The following PLEKHG1 variants were observed in gnomAD, a reference collection of about 807,000 sequenced individuals.
PLEKHG1 encodes the protein pleckstrin homology and RhoGEF domain containing G1.
A neutral mutation model predicts 100.8 loss-of-function variants in PLEKHG1; 44 were observed. That is an observed-to-expected ratio of 0.44 (90% CI 0.34 to 0.56). The LOEUF is 0.56. PLEKHG1 is among the 20% of genes least tolerant of loss of function. PLEKHG1 has a pLI of 0.01. For synonymous variants in PLEKHG1, 640 were observed against 662.5 expected (o/e 0.97, Z 0.52); for missense variants, 1,545 against 1,720.9 (o/e 0.90, Z 1.81).
At chr6:150,760,884 A>T (rs940095319) in intron 2 of PLEKHG1, among the ~76,000 whole-genome samples, 1 of 152,024 alleles carries the variant, frequency 6.6e-6, no homozygotes, top group Non-Finnish European at 1.5e-5. Flanking sequence ...TTTTTCTGCT[A>T]CGTTATTATT....
In PLEKHG1 at chr6:150,831,300, G is replaced by A. The variant is rs1355653198; in HGVS notation, c.2189G>A (p.Ser730Asn). The change falls in exon 15 of 16, where the codon AGC becomes AAC. Residue 730 changes from serine (S) to asparagine (N), a missense_variant. Coordinates refer to ENST00000358517, the Ensembl canonical transcript of PLEKHG1. The surrounding 1 kb of genome is among the most constrained non-coding windows in gnomAD (Gnocchi z 4.1). ...TCAGGTGGAGAGGCATCCAGCCAAA[G>A]CACGCATGAACTCCAAGCGGTTGAG... 1.2e-6 allele frequency: 2 copies of A among 1,614,130 alleles called. No individual in the cohort carries two copies. The highest frequency in any genetic ancestry group is 2.2e-5 in the South Asian group (2 of 91,086).
chr6:150,840,491 C>G, exon 16 of PLEKHG1: 1 of 1,614,072 alleles, frequency 6.2e-7, no homozygotes, highest in East Asian at 2.2e-5. Flanking sequence ...TTGTGGTGGT[C>G]AATAGAAATT....
exon 16 of PLEKHG1, chr6:150,842,951 A>C (rs1777597814): frequency 6.6e-6 from 1 of 152,086 alleles, no homozygotes; most frequent in South Asian, 2.1e-4. Flanking sequence ...TGATCTCATG[A>C]TCCGTCTGCC....
At chr6:150,809,877 CAA>C in intron 10 of PLEKHG1, 143 bp downstream of exon 11, 1 of 340,210 alleles carries the variant, frequency 2.9e-6, no homozygotes, top group Non-Finnish European at 5.1e-6. Flanking sequence ...AAAATAAAAA[CAA>C]AGAGACTGGG....
intron 2 of PLEKHG1, among the ~76,000 whole-genome samples, chr6:150,753,475 T>TCGTAAGGAGGGGACCTGC (rs1432376876): frequency 6.6e-6 from 1 of 152,150 alleles, no homozygotes; most frequent in Non-Finnish European, 1.5e-5. Context: ...AGTGGGTGCC[T>TCGTAAGGAGGGGACCTGC]CGTAAGGAGG....
chr6:150,815,687 C>T (rs1317246263), intron 10 of PLEKHG1, among the ~76,000 whole-genome samples: 1 of 152,016 alleles, frequency 6.6e-6, no homozygotes, highest in Non-Finnish European at 1.5e-5. Flanking sequence ...CTCCCCCAAG[C>T]CCCACACTTT....
intron 1 of PLEKHG1, among the ~76,000 whole-genome samples, chr6:150,624,310 G>A (rs548773042): frequency 1.3e-5 from 2 of 152,084 alleles, no homozygotes; most frequent in South Asian, 4.2e-4. Flanking sequence ...TCTGCTTCTT[G>A]TCTCCAGGAT....
intron 14 of PLEKHG1, chr6:150,828,236 G>A: frequency 1.2e-6 from 2 of 1,613,808 alleles, no homozygotes; most frequent in Non-Finnish European, 1.7e-6. Context: ...AACCTGACAA[G>A]AGATGAGTTG....
At chr6:150,604,096 A>C (rs1776487230) in intron 1 of PLEKHG1, among the ~76,000 whole-genome samples, 1 of 152,232 alleles carries the variant, frequency 6.6e-6, no homozygotes, top group African/African-American at 2.4e-5. Flanking sequence ...TAGCAAGCCC[A>C]TTTATGTATA....
chr6:150,736,843 CCTT>C (rs2128619795), intron 2 of PLEKHG1, among the ~76,000 whole-genome samples: 1 of 151,832 alleles, frequency 6.6e-6, no homozygotes, highest in South Asian at 2.1e-4. Flanking sequence ...AAAAAAAAAA[CCTT>C]AATGAGTGAT....
intron 3 of PLEKHG1, among the ~76,000 whole-genome samples, chr6:150,666,825 A>G (rs1395706707): frequency 2.0e-5 from 3 of 151,596 alleles, no homozygotes; most frequent in Non-Finnish European, 2.9e-5. Flanking sequence ...CAGTGGCGCA[A>G]TCTCGGCTCA....
intron 1 of PLEKHG1, among the ~76,000 whole-genome samples, chr6:150,617,616 T>C (rs1206314017): frequency 6.6e-6 from 1 of 152,146 alleles, no homozygotes; most frequent in Non-Finnish European, 1.5e-5. Flanking sequence ...TGGGGCTAAT[T>C]TGAAGGTGTT....
At chr6:150,602,070 G>A (rs762445922) in intron 1 of PLEKHG1, among the ~76,000 whole-genome samples, 3 of 152,178 alleles carry the variant, frequency 2.0e-5, no homozygotes, top group Non-Finnish European at 4.4e-5. Context: ...CCCCCTTTGC[G>A]GATATGATTT....
chr6:150,679,160 T>A (rs1779855326), intron 3 of PLEKHG1, among the ~76,000 whole-genome samples: 1 of 152,226 alleles, frequency 6.6e-6, no homozygotes, highest in Non-Finnish European at 1.5e-5. Context: ...ACAGAAATCA[T>A]GTTTGTAGGA....
chr6:150,809,826 A>AG, intron 10 of PLEKHG1, 92 bp downstream of exon 11: 3 of 870,704 alleles, frequency 3.4e-6, no homozygotes, highest in Non-Finnish European at 5.5e-6. Context: ...CCGAGATCAC[A>AG]TCATTGAACT....
intron 5 of PLEKHG1, 25 bp from the exon 7 acceptor site, chr6:150,800,694 A>T (rs749975059): frequency 1.9e-6 from 3 of 1,606,686 alleles, no homozygotes; most frequent in Non-Finnish European, 1.7e-6. Flanking sequence ...TACAATTTAG[A>T]TAAAAACATG....
At chr6:150,834,999 G>A (rs1354478140) in intron 15 of PLEKHG1, among the ~76,000 whole-genome samples, 1 of 152,016 alleles carries the variant, frequency 6.6e-6, no homozygotes, top group Non-Finnish European at 1.5e-5. Context: ...CGAATGGACC[G>A]ATTCTCCAGA....
At position 150,666,854 on chromosome 6, in the gene PLEKHG1, G is replaced by A. The variant is rs559740904; in HGVS notation, c.-99+16068G>A. ...CGGCTCACTGCAATCTCCGCCTCCC[G>A]GGTTCACACCATTCTCCTGCCTCAG... On this transcript the variant is annotated intron_variant, in intron 3 of 3. Coordinates refer to the PLEKHG1 transcript ENST00000367326. Among the ~76,000 whole-genome samples, 550 of 151,216 alleles carry A rather than the reference G, an allele frequency of 3.6e-3. 1 individual carries two copies. Among genetic ancestry groups the A allele is most frequent in the African/African-American group, 0.011 (464 of 41,130 alleles).
chr6:150,694,584 C>T (rs1780472715), intron 3 of PLEKHG1, among the ~76,000 whole-genome samples: 1 of 151,336 alleles, frequency 6.6e-6, no homozygotes, highest in African/African-American at 2.4e-5. Flanking sequence ...CCTGTAATCC[C>T]AGCTACTTGG....
Sources: gnomAD v4.1 joint callset for allele counts (sites outside exome capture counted in the v4.1 genomes callset) on GRCh38, gnomAD v4.1.1 for gene constraint, Gnocchi (gnomAD v3.1) non-coding constraint, MANE v1.5 for transcripts, NCBI Gene and HGNC (gene_info 2026-07-23, HGNC 2026-07-21) for gene names.